FHIT: variants seen among roughly 807,000 people sequenced by gnomAD.
The protein encoded by FHIT is fragile histidine triad diadenosine triphosphatase, also known as bis(5'-adenosyl)-triphosphatase.
Under a neutral mutation model 17.9 loss-of-function variants are expected in FHIT, and 19 were observed. The ratio of observed to expected loss-of-function variants is 1.06; its 90% CI spans 0.74 to 1.56. The LOEUF is 1.56. Among genes scored for constraint, FHIT ranks in the 40% most tolerant of loss-of-function variants. The probability of loss-of-function intolerance (pLI) is 0.00; values close to 1 mark genes in which losing one functional copy is unlikely to be tolerated. For synonymous variants in FHIT, 81 were observed against 69.7 expected (o/e 1.16, Z -0.81); for missense variants, 248 against 189.2 (o/e 1.31, Z -1.82).
chr3:60,868,800 G>A (rs561148160), intron 3 of FHIT, among the ~76,000 whole-genome samples: 9 of 152,168 alleles, frequency 5.9e-5, no homozygotes, highest in South Asian at 2.1e-4. Context: ...GCTCCAGGCC[G>A]TAATCTCAGG....
intron 5 of FHIT, among the ~76,000 whole-genome samples, chr3:60,437,276 T>C (rs2687189): frequency 0.88 from 133,208 of 152,062 alleles, 58,868 homozygotes; most frequent in Non-Finnish European, 0.93. Flanking sequence ...GTGATGTCAC[T>C]GAGGCAGAGA....
chr3:60,468,950 G>C (rs9821564), intron 5 of FHIT, among the ~76,000 whole-genome samples: 15 of 152,120 alleles, frequency 9.9e-5, no homozygotes, highest in African/African-American at 3.6e-4. Flanking sequence ...ACTATTGTAG[G>C]TTAGAAGATT....
chr3:60,121,740 A>C (rs1705266760), intron 5 of FHIT, among the ~76,000 whole-genome samples: 1 of 148,522 alleles, frequency 6.7e-6, no homozygotes, highest in Admixed American at 7.0e-5. Flanking sequence ...ACACACACAC[A>C]CACACATTAG....
chr3:60,010,267 G>A (rs910276704), intron 7 of FHIT, among the ~76,000 whole-genome samples: 2 of 152,234 alleles, frequency 1.3e-5, no homozygotes, highest in Admixed American at 6.5e-5. Context: ...CAGTGGGACA[G>A]AGGAAAGCTG....
At chr3:60,982,951 G>A (rs1005296978) in intron 3 of FHIT, among the ~76,000 whole-genome samples, 2 of 152,058 alleles carry the variant, frequency 1.3e-5, no homozygotes, top group Admixed American at 1.3e-4. Flanking sequence ...TCCTCTTTCT[G>A]TGGAGGTCAG....
At chr3:60,317,785 CTTCT>C (rs1043912321) in intron 5 of FHIT, among the ~76,000 whole-genome samples, 5 of 113,230 alleles carry the variant, frequency 4.4e-5, no homozygotes, top group South Asian at 2.6e-4. Flanking sequence ...GCAAGTTTTT[CTTCT>C]TTTTTTTTTT....
chr3:60,515,722 C>CGA (rs1295943660), intron 5 of FHIT, among the ~76,000 whole-genome samples: 3 of 152,038 alleles, frequency 2.0e-5, no homozygotes, highest in Non-Finnish European at 4.4e-5. Flanking sequence ...TTCATATGGA[C>CGA]GAGAGAGAGT....
intron 4 of FHIT, among the ~76,000 whole-genome samples, chr3:60,801,435 T>C (rs894576138): frequency 3.9e-5 from 6 of 152,302 alleles, no homozygotes; most frequent in Admixed American, 3.9e-4. Flanking sequence ...TCCAATCCAC[T>C]AACTACTTGC....
chr3:61,030,804 C>A (rs1000218585), intron 3 of FHIT, among the ~76,000 whole-genome samples: 14 of 152,194 alleles, frequency 9.2e-5, no homozygotes, highest in African/African-American at 2.2e-4. Context: ...AGAGGCAGGC[C>A]GTGAGCTGCC....
intron 3 of FHIT, among the ~76,000 whole-genome samples, chr3:60,866,513 C>T (rs75500925): frequency 0.01 from 1,555 of 152,228 alleles, 24 homozygotes; most frequent in African/African-American, 0.035. Context: ...CATGTGGTAC[C>T]TTAGAAGTGG....
intron 2 of FHIT, among the ~76,000 whole-genome samples, chr3:61,074,072 T>A (rs2034893847): frequency 6.6e-6 from 1 of 152,164 alleles, no homozygotes; most frequent in African/African-American, 2.4e-5. Context: ...TCCAGTAACT[T>A]TTTCCACTGC....
At chr3:61,096,525 G>A (rs1172992746) in intron 2 of FHIT, among the ~76,000 whole-genome samples, 1 of 152,156 alleles carries the variant, frequency 6.6e-6, no homozygotes, top group Non-Finnish European at 1.5e-5. Context: ...GAGAGGTAGG[G>A]GATGGATCTA....
Position 60,723,254 on chromosome 3 carries a change from GAA to G in FHIT, c.-18+98663_-18+98664del, listed in dbSNP as rs1261350864. ...CTGGCAGTCTTCTATTCATTGTGCA[GAA>G]AAGAGTTAACACAGAGCAGGCTCGA... On this transcript the variant is annotated intron_variant, in intron 4 of 9. Coordinates refer to ENST00000492590, the MANE Select transcript of FHIT (RefSeq NM_002012.4). 7.2e-5 allele frequency among the ~76,000 whole-genome samples: 11 copies of G among 152,298 alleles called. No homozygotes were observed. In the East Asian group the frequency reaches 2.1e-3, roughly 29 times the overall value.
At chr3:60,546,483 T>A (rs2036369328) in intron 4 of FHIT, among the ~76,000 whole-genome samples, 2 of 152,218 alleles carry the variant, frequency 1.3e-5, no homozygotes, top group South Asian at 4.1e-4. Flanking sequence ...TGAATTGATA[T>A]TGTTATAATT....
chr3:59,793,629 G>A (rs949111642), intron 8 of FHIT, among the ~76,000 whole-genome samples: 1 of 152,178 alleles, frequency 6.6e-6, no homozygotes, highest in African/African-American at 2.4e-5. Context: ...TTCCTTCCAA[G>A]CATGGTCCGA....
intron 2 of FHIT, among the ~76,000 whole-genome samples, chr3:61,187,862 A>G (rs1296044752): frequency 2.0e-5 from 3 of 152,232 alleles, no homozygotes; most frequent in Admixed American, 2.0e-4. Context: ...AGGTAGAAAT[A>G]AAGATGTTCT....
chr3:60,502,960 ATGGTACTGTAGC>A (rs1472797630), intron 5 of FHIT, among the ~76,000 whole-genome samples: 3 of 152,194 alleles, frequency 2.0e-5, no homozygotes, highest in Non-Finnish European at 2.9e-5. Flanking sequence ...GTAATACTTG[ATGGTACTGTAGC>A]TGAATACTGA....
Position 60,256,602 on chromosome 3 carries a change from C to G in FHIT, c.104-242450G>C, listed in dbSNP as rs145775042. On this transcript the variant is annotated intron_variant, in intron 5 of 9. Transcript: ENST00000492590. ...TTACACAACTAGGCAGAAGCCAAATCCAAATACCAGTCAAGCACTAGCCAC... is the reference window on the plus strand; with the variant it reads ...TTACACAACTAGGCAGAAGCCAAATGCAAATACCAGTCAAGCACTAGCCAC... Among the ~76,000 whole-genome samples, 1,039 of 152,296 alleles carry G rather than the reference C, an allele frequency of 6.8e-3. 11 individuals are homozygous for G. The highest frequency in any genetic ancestry group is 0.024 in the African/African-American group (995 of 41,574).
rs561708690 is a variant in FHIT at position 60,388,238 on chromosome 3, T to A, written c.103+148622A>T. ...CCCCTAAATAAGCACACAAATGGTA[T>A]TGATATGATGAATAACTCACCTCAA... On this transcript the variant is annotated intron_variant, in intron 5 of 9. Coordinates refer to ENST00000492590, the MANE Select transcript of FHIT (RefSeq NM_002012.4). 5.3e-5 allele frequency among the ~76,000 whole-genome samples: 8 copies of A among 152,288 alleles called. No homozygotes were observed. In the South Asian group the frequency reaches 1.7e-3, roughly 32 times the overall value.
Sources: allele counts gnomAD v4.1 joint callset (sites outside exome capture counted in the v4.1 genomes callset), GRCh38; gene constraint gnomAD v4.1.1; transcripts MANE v1.5; gene names NCBI Gene and HGNC (gene_info 2026-07-23, HGNC 2026-07-21).